Variants in WDR59 observed in about 807,000 individuals in gnomAD.
WDR59 encodes the protein WD repeat domain 59, also known as GATOR2 complex protein WDR59.
A neutral mutation model predicts 131.2 loss-of-function variants in WDR59; 100 were observed. That is an observed-to-expected ratio of 0.76 (90% CI 0.65 to 0.90). The LOEUF (loss-of-function observed/expected upper bound fraction) is 0.90. Ranked by LOEUF, WDR59 falls within the 40% of genes least tolerant of loss-of-function variation. WDR59 has a pLI of 0.00. For synonymous variants in WDR59, 601 were observed against 466.2 expected (o/e 1.29, Z -3.72); for missense variants, 1,203 against 1,262.2 (o/e 0.95, Z 0.71).
At chr16:74,977,341 A>C (rs573461362) in intron 1 of WDR59, among the ~76,000 whole-genome samples, 69 of 152,290 alleles carry the variant, frequency 4.5e-4, no homozygotes, top group Middle Eastern at 3.4e-3. Context: ...AATATATATA[A>C]CCATACAGAA....
intron 13 of WDR59, among the ~76,000 whole-genome samples, chr16:74,913,140 G>T (rs1198054116): frequency 6.6e-6 from 1 of 151,936 alleles, no homozygotes; most frequent in Non-Finnish European, 1.5e-5. Context: ...AGCAAAGGCA[G>T]CTTTGTCACG....
intron 13 of WDR59, among the ~76,000 whole-genome samples, chr16:74,912,911 G>A (rs772135641): frequency 1.8e-4 from 28 of 152,242 alleles, no homozygotes; most frequent in Non-Finnish European, 3.4e-4. Flanking sequence ...GTTTAAGAAC[G>A]TGTTTAAGCG....
chr16:74,919,583 T>C (rs953329055), intron 10 of WDR59, among the ~76,000 whole-genome samples: 1 of 152,022 alleles, frequency 6.6e-6, no homozygotes, highest in Admixed American at 6.6e-5. Flanking sequence ...CCTCAAGTGA[T>C]CAACCTGCCT....
At chr16:74,885,118 C>T (rs763607885) in intron 25 of WDR59, among the ~76,000 whole-genome samples, 13 of 152,290 alleles carry the variant, frequency 8.5e-5, no homozygotes, top group South Asian at 2.1e-4. Context: ...CCCTCTCATC[C>T]GCGCTGGAGT....
intron 2 of WDR59, chr16:74,959,292 C>A: frequency 3.7e-6 from 1 of 270,398 alleles, no homozygotes; most frequent in African/African-American, 2.3e-5. Flanking sequence ...AAGCAAACAA[C>A]AACAAAACTC....
At chr16:74,877,574 C>T (rs112728037) in intron 25 of WDR59, among the ~76,000 whole-genome samples, 2,678 of 152,282 alleles carry the variant, frequency 0.018, 60 homozygotes, top group African/African-American at 0.058. Context: ...AACGAAGTCT[C>T]GCTCTTGTCA....
In WDR59 at chr16:74,922,008, G is replaced by C. The variant is rs757493850; in HGVS notation, c.825C>G (p.Val275=). 2.5e-6 allele frequency: 4 copies of C among 1,614,084 alleles called. No individual in the cohort carries two copies. Among genetic ancestry groups the C allele is most frequent in the South Asian group, 1.1e-5 (1 of 91,082 alleles). The change falls in exon 10 of 26, where the codon GTC becomes GTG. Residue 275 remains valine (V), a synonymous_variant. Coordinates refer to ENST00000262144, the MANE Select transcript of WDR59 (RefSeq NM_030581.4). The part of the protein sequence containing the change: ...LWNVFDLNTP[V]HTFVGHDDVV... Reference sequence around the variant, plus strand: ...CATCATCATGCCCCACGAAGGTGTGGACTGGGGTGTTCAAGTCAAAGACAT... The same window carrying C: ...CATCATCATGCCCCACGAAGGTGTGCACTGGGGTGTTCAAGTCAAAGACAT...
rs1442715850 is a variant in WDR59 at position 74,887,754 on chromosome 16, G to A, written c.2348C>T (p.Pro783Leu). The A allele has an allele frequency of 6.2e-7, 1 of 1,613,788 alleles. No homozygotes were observed. The highest frequency in any genetic ancestry group is 8.5e-7 in the Non-Finnish European group (1 of 1,179,910). The change falls in exon 23 of 26, where the codon CCT (proline) becomes CTT (leucine). Residue 783 changes from proline to leucine, a missense_variant and splice_region_variant. Transcript: ENST00000262144. ...GCAGGAACCAGAAGAGGTAAAGCTA[G>A]GCTACAGAAGGGAAGAGAAGAACCA... Reference protein sequence around the residue: ...SNLVVSHSRYPSFTSSGSCSS... With the variant: ...SNLVVSHSRYLSFTSSGSCSS...
At chr16:74,942,150 A>G (rs377232878) in intron 7 of WDR59, among the ~76,000 whole-genome samples, 1 of 152,106 alleles carries the variant, frequency 6.6e-6, no homozygotes, top group African/African-American at 2.4e-5. Flanking sequence ...AGGACCCAGC[A>G]CTGTTTCCAT....
At chr16:74,917,891 T>C in intron 11 of WDR59, 38 bp downstream of exon 11, 1 of 1,573,926 alleles carries the variant, frequency 6.4e-7, no homozygotes, top group Non-Finnish European at 8.7e-7. Flanking sequence ...TTTTGGTGGA[T>C]TCAGGTACAT....
intron 1 of WDR59, among the ~76,000 whole-genome samples, chr16:74,974,450 A>T (rs4888327): frequency 3.3e-4 from 50 of 152,016 alleles, no homozygotes; most frequent in African/African-American, 1.2e-3. Context: ...AGGTGTTCCA[A>T]ACTGATATTG....
intron 8 of WDR59, among the ~76,000 whole-genome samples, chr16:74,935,122 AG>A (rs2031696288): frequency 6.6e-6 from 1 of 151,976 alleles, no homozygotes; most frequent in Non-Finnish European, 1.5e-5. Context: ...CCAGCTACTG[AG>A]GGAGGCTGAG....
intron 1 of WDR59, among the ~76,000 whole-genome samples, chr16:74,977,231 T>A (rs8049993): frequency 6.6e-6 from 1 of 151,550 alleles, no homozygotes; most frequent in Non-Finnish European, 1.5e-5. Context: ...AACAGCGAGA[T>A]CGCATCTCAA....
intron 25 of WDR59, among the ~76,000 whole-genome samples, chr16:74,878,165 A>G (rs1394134014): frequency 6.6e-6 from 1 of 152,202 alleles, no homozygotes; most frequent in African/African-American, 2.4e-5. Flanking sequence ...TCTCGTATCT[A>G]TTAAACCCAC....
intron 8 of WDR59, among the ~76,000 whole-genome samples, chr16:74,930,125 T>A (rs1008363586): frequency 3.3e-5 from 5 of 152,152 alleles, no homozygotes; most frequent in African/African-American, 1.2e-4. Flanking sequence ...GAGCCAGTAT[T>A]TGACAACACA....
At chr16:74,891,086 C>T (rs1965020171) in intron 20 of WDR59, among the ~76,000 whole-genome samples, 1 of 145,990 alleles carries the variant, frequency 6.8e-6, no homozygotes, top group South Asian at 2.2e-4. Context: ...GCACTCCAGC[C>T]TGGGCGACAG....
chr16:74,967,148 C>G (rs1441216331), intron 1 of WDR59, among the ~76,000 whole-genome samples: 1 of 152,194 alleles, frequency 6.6e-6, no homozygotes, highest in Non-Finnish European at 1.5e-5. Context: ...GTGGATTTCT[C>G]AAGTCATCTA....
chr16:74,874,512 G>A lies in WDR59; in HGVS notation c.2690-68C>T, dbSNP rs183371577. 7.5e-5 allele frequency: 106 copies of A among 1,405,530 alleles called. No homozygotes were observed. The African/African-American group carries it at 1.2e-3, about 16-fold the overall frequency. 87.1% of individuals were successfully genotyped at this position (1,405,530 alleles called of 1,614,324 possible). On this transcript the variant is annotated intron_variant, in intron 25 of 25. Coordinates refer to ENST00000262144, the MANE Select transcript of WDR59 (RefSeq NM_030581.4). ...TTTAGTTCTGAAAAAGGAAACTGGG[G>A]CTTGCCAGGAAGAAGGAAGTCTTCC...
intron 20 of WDR59, among the ~76,000 whole-genome samples, chr16:74,890,092 GAC>G (rs1377733311): frequency 2.0e-5 from 3 of 152,174 alleles, no homozygotes; most frequent in African/African-American, 7.2e-5. Context: ...TCAGAGAAAT[GAC>G]ACAGTGTAAT....
Sources: gnomAD v4.1 joint callset for allele counts (sites outside exome capture counted in the v4.1 genomes callset) on GRCh38, gnomAD v4.1.1 for gene constraint, MANE v1.5 for transcripts, NCBI Gene and HGNC (gene_info 2026-07-23, HGNC 2026-07-21) for gene names.